Variants in CORO7 observed in about 807,000 individuals in gnomAD.
CORO7 encodes the protein coronin-7.
Under a neutral mutation model 126.6 loss-of-function variants are expected in CORO7, and 107 were observed. The ratio of observed to expected loss-of-function variants is 0.85; its 90% CI spans 0.72 to 0.99. CORO7 has a LOEUF of 0.99. Ranked by LOEUF, CORO7 falls within the 50% of genes least tolerant of loss-of-function variation. CORO7 has a pLI of 0.00. For synonymous variants in CORO7, 603 were observed against 536.8 expected (o/e 1.12, Z -1.70); for missense variants, 1,314 against 1,255.8 (o/e 1.05, Z -0.70).
chr16:4,382,124 A>C, intron 9 of CORO7: 4 of 1,588,528 alleles, frequency 2.5e-6, no homozygotes, highest in Non-Finnish European at 3.4e-6. Context: ...ACCTGCCTCA[A>C]TGGGGGCACA....
At position 4,368,444 on chromosome 16, in the gene CORO7, T is replaced by C. The variant is rs372279691; in HGVS notation, c.786-2899A>G. On this transcript the variant is annotated intron_variant, in intron 9 of 27. Transcript: ENST00000251166. ...AGGAGGGTCACTTGAGCCCAGGAGT[T>C]TGAGGCTGCAGTGAGTCAAGATCGC... Among the ~76,000 whole-genome samples, 175 of 151,198 alleles carry C rather than the reference T, an allele frequency of 1.2e-3. 1 individual carries two copies. Among genetic ancestry groups the C allele is most frequent in the African/African-American group, 4.1e-3 (170 of 41,126 alleles).
chr16:4,377,965 C>G (rs2054807584), intron 9 of CORO7, among the ~76,000 whole-genome samples: 1 of 152,170 alleles, frequency 6.6e-6, no homozygotes, highest in Non-Finnish European at 1.5e-5. Flanking sequence ...AGCCGGAAAG[C>G]CACCCTGTGG....
chr16:4,387,667 T>G, intron 9 of CORO7: 1 of 367,712 alleles, frequency 2.7e-6, no homozygotes, highest in Non-Finnish European at 5.1e-6. Context: ...ATGAAGCGTA[T>G]TCTTGCACTT....
chr16:4,361,483 C>T lies in CORO7; in HGVS notation c.1579-14G>A, dbSNP rs768307163. On this transcript the variant is annotated splice_polypyrimidine_tract_variant and intron_variant, in intron 16 of 27. Coordinates refer to ENST00000251166, the MANE Select transcript of CORO7 (RefSeq NM_024535.5). ...AGGCTTCCGTAGCTGTGGGAGGTGC[C>T]CCCACCCCGAGGCCCATCAGTACCA... is the stretch of plus-strand genomic sequence containing the variant. The T allele has an allele frequency of 1.3e-5, 21 of 1,610,224 alleles. No individual in the cohort carries two copies. Among genetic ancestry groups the T allele is most frequent in the Admixed American group, 1.7e-5 (1 of 59,758 alleles).
At chr16:4,359,038 A>G in intron 23 of CORO7, 1 of 532,164 alleles carries the variant, frequency 1.9e-6, no homozygotes, top group Non-Finnish European at 3.3e-6. Flanking sequence ...CAGCCTTCCG[A>G]AGTGTTGGGA....
intron 6 of CORO7, among the ~76,000 whole-genome samples, chr16:4,402,340 C>T (rs2055841334): frequency 6.6e-6 from 1 of 152,096 alleles, no homozygotes; most frequent in Admixed American, 6.6e-5. Flanking sequence ...ACTTCAGCCT[C>T]GAACTCCTGG....
At chr16:4,384,949 G>A (rs1037790343) in intron 9 of CORO7, among the ~76,000 whole-genome samples, 1 of 152,064 alleles carries the variant, frequency 6.6e-6, no homozygotes, top group Non-Finnish European at 1.5e-5. Flanking sequence ...AAACCTGGCC[G>A]AGTGGGATGG....
At chr16:4,412,291 A>C in intron 3 of CORO7, 65 bp downstream of exon 3, 1 of 1,579,702 alleles carries the variant, frequency 6.3e-7, no homozygotes, top group Non-Finnish European at 8.7e-7. Flanking sequence ...GTGAGGATGA[A>C]TTTCTGGCCC....
intron 8 of CORO7, 31 bp downstream of exon 8, chr16:4,388,514 G>C: frequency 6.2e-7 from 1 of 1,601,236 alleles, no homozygotes; most frequent in South Asian, 1.1e-5. Flanking sequence ...CCACCTGGCC[G>C]TGCCCTGCTC....
intron 9 of CORO7, among the ~76,000 whole-genome samples, chr16:4,386,450 G>T (rs1271512807): frequency 1.3e-5 from 2 of 152,186 alleles, no homozygotes; most frequent in African/African-American, 4.8e-5. Flanking sequence ...CTCCACTGGG[G>T]GCCCTGCAGG....
intron 9 of CORO7, among the ~76,000 whole-genome samples, chr16:4,366,393 A>G (rs1489813292): frequency 6.6e-6 from 1 of 152,110 alleles, no homozygotes; most frequent in African/African-American, 2.4e-5. Context: ...GGGGCCCCTC[A>G]GAGACCCCTG....
At chr16:4,394,004 G>C (rs2141280038) in intron 7 of CORO7, among the ~76,000 whole-genome samples, 1 of 152,194 alleles carries the variant, frequency 6.6e-6, no homozygotes, top group South Asian at 2.1e-4. Flanking sequence ...AGGAGGCTGA[G>C]GCAGTAAAAT....
At chr16:4,376,702 C>T (rs1388905398) in intron 9 of CORO7, among the ~76,000 whole-genome samples, 5 of 152,106 alleles carry the variant, frequency 3.3e-5, no homozygotes, top group East Asian at 1.9e-4. Context: ...GTTGAGATGA[C>T]GAGTGCCTTG....
intron 7 of CORO7, among the ~76,000 whole-genome samples, chr16:4,391,080 C>G (rs181436205): frequency 6.6e-6 from 1 of 152,102 alleles, no homozygotes. Flanking sequence ...GGTCAGTGGC[C>G]CACCCCTTAC....
chr16:4,379,232 G>A (rs2054865661), intron 9 of CORO7, among the ~76,000 whole-genome samples: 1 of 152,134 alleles, frequency 6.6e-6, no homozygotes, highest in African/African-American at 2.4e-5. Flanking sequence ...GGGCTCTTGT[G>A]TGAGCTGCAG....
At chr16:4,392,797 G>A (rs1274584269) in intron 7 of CORO7, among the ~76,000 whole-genome samples, 3 of 152,244 alleles carry the variant, frequency 2.0e-5, no homozygotes, top group Admixed American at 6.5e-5. Context: ...CGGAAGTGGG[G>A]GGCAGGGCCA....
In CORO7 at chr16:4,364,983, G is replaced by A. The variant is rs746279741; in HGVS notation, c.898+20C>T. 1 of 1,605,632 alleles carries A rather than the reference G, an allele frequency of 6.2e-7. No individual in the cohort carries two copies. Among genetic ancestry groups the A allele is most frequent in the South Asian group, 1.1e-5 (1 of 89,764 alleles). On this transcript the variant is annotated intron_variant, in intron 11 of 27. Transcript: ENST00000251166. ...AGGGGAGGGGAGGGTAGGGGATGGG[G>A]GCGAGGAAGCAAGGCTTACCTGGGC... is the stretch of plus-strand genomic sequence containing the variant.
chr16:4,355,854 T>C (rs1379253091), intron 26 of CORO7, among the ~76,000 whole-genome samples: 1 of 152,182 alleles, frequency 6.6e-6, no homozygotes, highest in African/African-American at 2.4e-5. Flanking sequence ...CATGGCTCAC[T>C]GCAGCCTTGA....
At chr16:4,374,755 A>G (rs549516152) in intron 9 of CORO7, among the ~76,000 whole-genome samples, 5 of 151,718 alleles carry the variant, frequency 3.3e-5, no homozygotes, top group Non-Finnish European at 2.9e-5. Context: ...ACCCTGGGTG[A>G]TTGTGGGGGG....
Sources: gnomAD v4.1 joint callset for allele counts (sites outside exome capture counted in the v4.1 genomes callset) on GRCh38, gnomAD v4.1.1 for gene constraint, MANE v1.5 for transcripts, NCBI Gene and HGNC (gene_info 2026-07-23, HGNC 2026-07-21) for gene names.